The following CLOCK variants were observed in gnomAD, a reference collection of about 807,000 sequenced individuals.
The protein encoded by CLOCK is circadian locomoter output cycles protein kaput.
In CLOCK, 43 loss-of-function variants were observed where a neutral mutation model predicts 118.4. The ratio of observed to expected loss-of-function variants is 0.36; its 90% confidence interval spans 0.28 to 0.47. The LOEUF (loss-of-function observed/expected upper bound fraction) is 0.47. Among genes scored for constraint, CLOCK ranks in the 20% least tolerant of loss-of-function variants. The probability of loss-of-function intolerance (pLI) is 1.00; values close to 1 mark genes in which losing one functional copy is unlikely to be tolerated. For missense variants in CLOCK, 846 were observed against 999.9 expected (o/e 0.85, Z 2.08); for synonymous variants, 326 against 339.2 (o/e 0.96, Z 0.43).
rs548340718 is a variant in CLOCK at position 55,469,295 on chromosome 4, A to G, written c.438+1422T>C. ...TTTTTAGTAGACACAGGGTCTCTCC[A>G]TGTTGGTCAGGCTGGTCTCAAACTC... On this transcript the variant is annotated intron_variant, in intron 8 of 22. Coordinates refer to ENST00000513440, the MANE Select transcript of CLOCK (RefSeq NM_004898.4). Among the ~76,000 whole-genome samples the G allele has an allele frequency of 7.9e-5, 12 of 152,178 alleles. No individual in the cohort carries two copies. In the South Asian group the frequency reaches 1.0e-3, roughly 13 times the overall value.
chr4:55,511,162 T>C (rs1729121647), intron 1 of CLOCK, among the ~76,000 whole-genome samples: 1 of 152,220 alleles, frequency 6.6e-6, no homozygotes, highest in Non-Finnish European at 1.5e-5. Flanking sequence ...ATCACAATTC[T>C]CAACTAATAA....
chr4:55,448,599 CGCGTGTGTGTGTGTGTGT>C (rs759472540), intron 18 of CLOCK, among the ~76,000 whole-genome samples, 162 bp downstream of exon 18: 34 of 105,666 alleles, frequency 3.2e-4, no homozygotes, highest in African/African-American at 1.1e-3. Flanking sequence ...CGCGCACGCG[CGCGTGTGTGTGTGTGTGT>C]GTGTGTGTGT....
At chr4:55,521,322 G>A (rs1334120596) in intron 1 of CLOCK, among the ~76,000 whole-genome samples, 1 of 152,094 alleles carries the variant, frequency 6.6e-6, no homozygotes, top group Admixed American at 6.6e-5. Flanking sequence ...GGGTTCAAGC[G>A]ATTCTCCTGC....
chr4:55,443,471 G>GT (rs1723534037), intron 20 of CLOCK, among the ~76,000 whole-genome samples: 1 of 102,684 alleles, frequency 9.7e-6, no homozygotes, highest in Admixed American at 1.2e-4. Flanking sequence ...GCAAAACTCC[G>GT]TCTCAAAAAA....
chr4:55,531,824 T>C (rs1478111587), intron 1 of CLOCK, among the ~76,000 whole-genome samples: 2 of 141,754 alleles, frequency 1.4e-5, no homozygotes, highest in Non-Finnish European at 3.1e-5. Context: ...ATTACCCTGA[T>C]ATAAAAACCA....
chr4:55,442,285 A>G, intron 21 of CLOCK, 147 bp downstream of exon 21: 1 of 735,604 alleles, frequency 1.4e-6, no homozygotes, highest in South Asian at 1.8e-5. Flanking sequence ...GAATACATTC[A>G]GTGTTTTTAT....
At chr4:55,487,898 C>T (rs1727401440) in intron 3 of CLOCK, among the ~76,000 whole-genome samples, 1 of 152,162 alleles carries the variant, frequency 6.6e-6, no homozygotes, top group Non-Finnish European at 1.5e-5. Context: ...CTTCTCCATT[C>T]TCTCTGTCCT....
intron 21 of CLOCK, among the ~76,000 whole-genome samples, chr4:55,441,208 A>G (rs1577675929): frequency 1.3e-5 from 2 of 152,164 alleles, no homozygotes; most frequent in South Asian, 4.1e-4. Context: ...TCAACTTAAA[A>G]CCACAATTAA....
At chr4:55,503,474 G>A (rs62305265) in intron 2 of CLOCK, among the ~76,000 whole-genome samples, 37,439 of 151,996 alleles carry the variant, frequency 0.25, 4,936 homozygotes, top group South Asian at 0.37. Flanking sequence ...GAGGCTCCTG[G>A]GTTGACGAAA....
At position 55,482,833 on chromosome 4, in the gene CLOCK, G is replaced by T; in HGVS notation, c.-43-5C>A. 2 of 1,375,002 alleles carry T rather than the reference G, an allele frequency of 1.5e-6. No homozygotes were observed. Among genetic ancestry groups the T allele is most frequent in the Non-Finnish European group, 2.0e-6 (2 of 978,950 alleles). The allele number at this position is 1,375,002 out of a possible 1,614,324, so 85.2% of individuals were successfully genotyped here. On this transcript the variant is annotated splice_region_variant and splice_polypyrimidine_tract_variant and intron_variant, in intron 3 of 22. Coordinates refer to ENST00000513440, the MANE Select transcript of CLOCK (RefSeq NM_004898.4). ...TAGTAGACATTTGTACTTCTCCTTAGGTGAAAAGAAAAATAAATGGTCATT... is the reference window on the plus strand; with the variant it reads ...TAGTAGACATTTGTACTTCTCCTTATGTGAAAAGAAAAATAAATGGTCATT...
chr4:55,477,834 G>A (rs1726627119), intron 6 of CLOCK, among the ~76,000 whole-genome samples: 1 of 151,932 alleles, frequency 6.6e-6, no homozygotes, highest in Admixed American at 6.6e-5. Flanking sequence ...GTTAGTTTCA[G>A]TTAGAAAAGG....
intron 3 of CLOCK, among the ~76,000 whole-genome samples, chr4:55,486,989 T>A (rs753637005): frequency 3.9e-5 from 6 of 152,218 alleles, no homozygotes; most frequent in Non-Finnish European, 8.8e-5. Context: ...TTGGAGATCC[T>A]GGACAGTTGT....
chr4:55,506,067 CTT>C (rs1002483622), intron 2 of CLOCK, among the ~76,000 whole-genome samples: 1 of 152,070 alleles, frequency 6.6e-6, no homozygotes, highest in Non-Finnish European at 1.5e-5. Flanking sequence ...TATTTTCTCT[CTT>C]TTTTTGTTTT....
intron 1 of CLOCK, among the ~76,000 whole-genome samples, chr4:55,530,774 CA>C (rs60810379): frequency 9.1e-5 from 3 of 33,046 alleles, no homozygotes; most frequent in South Asian, 2.5e-3. Context: ...GACTCCATCG[CA>C]AAAAAAAAAA....
intron 1 of CLOCK, among the ~76,000 whole-genome samples, chr4:55,516,843 TTTTTG>T (rs1489820037): frequency 6.6e-6 from 1 of 152,202 alleles, no homozygotes; most frequent in African/African-American, 2.4e-5. Flanking sequence ...CTTTTTTGCT[TTTTTG>T]TTTTACTTTT....
chr4:55,480,415 C>T (rs1726838728), intron 4 of CLOCK, among the ~76,000 whole-genome samples: 1 of 152,152 alleles, frequency 6.6e-6, no homozygotes, highest in Non-Finnish European at 1.5e-5. Flanking sequence ...CAGGTACATG[C>T]CACCATGACT....
intron 1 of CLOCK, among the ~76,000 whole-genome samples, chr4:55,535,660 T>C (rs1730841908): frequency 6.6e-6 from 1 of 150,902 alleles, no homozygotes; most frequent in Non-Finnish European, 1.5e-5. Flanking sequence ...AAATAAATTA[T>C]AAAAATCATA....
chr4:55,471,244 T>TA (rs1726128637), intron 7 of CLOCK, among the ~76,000 whole-genome samples: 4 of 152,192 alleles, frequency 2.6e-5, no homozygotes, highest in Admixed American at 2.6e-4. Context: ...TTTAAGGAGA[T>TA]ATATGAAGAA....
rs541320765 is a variant in CLOCK, at chr4:55,432,750, C to T, written c.*2665G>A. 1 of 152,230 alleles carries T rather than the reference C, an allele frequency of 6.6e-6. No homozygotes were observed. Among genetic ancestry groups the T allele is most frequent in the African/African-American group, 2.4e-5 (1 of 41,544 alleles). The allele number at this position is 152,230 out of a possible 1,614,324, so 9.4% of individuals were successfully genotyped here. On this transcript the variant is annotated 3_prime_UTR_variant, in exon 23 of 23. Transcript: ENST00000513440. ...ACGCTTCAGACTGACAGAAAAGCAG[C>T]TAGCTGCTCCTTTAAATTAGCAATG...
Sources: allele counts gnomAD v4.1 joint callset (sites outside exome capture counted in the v4.1 genomes callset), GRCh38; gene constraint gnomAD v4.1.1; transcripts MANE v1.5; gene names NCBI Gene and HGNC (gene_info 2026-07-23, HGNC 2026-07-21).